MECR: variants seen among roughly 807,000 people sequenced by gnomAD.
The protein encoded by MECR is mitochondrial trans-2-enoyl-CoA reductase.
Under a neutral mutation model 49.1 loss-of-function variants are expected in MECR, and 37 were observed. That is an observed-to-expected ratio of 0.75 (90% confidence interval 0.58 to 0.99). The LOEUF (loss-of-function observed/expected upper bound fraction) is 0.99. Ranked by LOEUF, MECR falls within the 50% of genes least tolerant of loss-of-function variation. The pLI is 0.00. For missense variants in MECR, 470 were observed against 479.6 expected (o/e 0.98, Z 0.19); for synonymous variants, 198 against 191.1 (o/e 1.04, Z -0.30).
At chr1:29,213,893 CA>C (rs1443396788) in intron 3 of MECR, among the ~76,000 whole-genome samples, 1 of 152,108 alleles carries the variant, frequency 6.6e-6, no homozygotes, top group Non-Finnish European at 1.5e-5. Flanking sequence ...GTGCCTGGCA[CA>C]AAGAGAGTGG....
downstream of MECR, among the ~76,000 whole-genome samples, chr1:29,191,567 A>T (rs1673133758): frequency 6.6e-6 from 1 of 151,954 alleles, no homozygotes; most frequent in Admixed American, 6.6e-5. Flanking sequence ...GGCTTTTTTC[A>T]CTTGCCTGCA....
downstream of MECR, among the ~76,000 whole-genome samples, chr1:29,190,511 G>A (rs531384811): frequency 6.6e-6 from 1 of 150,604 alleles, no homozygotes; most frequent in Non-Finnish European, 1.5e-5. Context: ...AGAGGTTCCT[G>A]GGCAGGGCGC....
chr1:29,214,154 T>C (rs944260935), intron 3 of MECR, among the ~76,000 whole-genome samples: 2 of 150,878 alleles, frequency 1.3e-5, no homozygotes, highest in African/African-American at 2.4e-5. Flanking sequence ...CTCCGCCTCC[T>C]GGGATCAAGT....
chr1:29,171,409 T>G, the MECR span: 1 of 147,432 alleles, frequency 6.8e-6, no homozygotes, highest in Non-Finnish European at 1.5e-5. Flanking sequence ...CCCACATGTA[T>G]CTAGTATGGG....
intron 3 of MECR, among the ~76,000 whole-genome samples, chr1:29,213,593 G>C (rs773505595): frequency 6.9e-4 from 105 of 152,238 alleles, no homozygotes; most frequent in Non-Finnish European, 1.4e-3. Context: ...GGCCCTTCTG[G>C]GGGATGGATA....
chr1:29,212,239 C>T (rs1161773398), intron 3 of MECR, among the ~76,000 whole-genome samples: 1 of 152,070 alleles, frequency 6.6e-6, no homozygotes, highest in South Asian at 2.1e-4. Flanking sequence ...GCCAACAAGA[C>T]GAAACCCCAT....
the MECR span, chr1:29,168,683 T>C: frequency 4.6e-5 from 7 of 152,200 alleles, 1 homozygote; most frequent in East Asian, 1.3e-3. Flanking sequence ...GCAATCCCCA[T>C]TCTGGAGGTC....
intron 1 of MECR, among the ~76,000 whole-genome samples, chr1:29,221,606 G>A (rs1680784493): frequency 2.0e-5 from 3 of 152,158 alleles, no homozygotes; most frequent in Admixed American, 2.0e-4. Flanking sequence ...GTGGCGGGAG[G>A]GAAGAGAAGT....
At chr1:29,174,916 C>T in the MECR span, among the ~76,000 whole-genome samples, 3 of 151,018 alleles carry the variant, frequency 2.0e-5, no homozygotes, top group South Asian at 6.3e-4. Flanking sequence ...TTGTGATCTG[C>T]CAGCCTTGGC....
At chr1:29,225,130 T>A (rs1392861143) in intron 1 of MECR, among the ~76,000 whole-genome samples, 1 of 152,202 alleles carries the variant, frequency 6.6e-6, no homozygotes, top group East Asian at 1.9e-4. Context: ...GAAGGTAATG[T>A]ATGAGTTATA....
chr1:29,206,712 C>T (rs1459354717), intron 4 of MECR, 50 bp downstream of exon 4: 2 of 1,600,734 alleles, frequency 1.2e-6, no homozygotes, highest in East Asian at 2.2e-5. Context: ...ATGTGAGTGG[C>T]ACCCTAGTTG....
intron 3 of MECR, among the ~76,000 whole-genome samples, chr1:29,207,520 G>C (rs1676914373): frequency 6.6e-6 from 1 of 151,426 alleles, no homozygotes. Context: ...TGGGAGGACT[G>C]CTTGAGGCCA....
At chr1:29,208,643 G>T (rs757859154) in intron 3 of MECR, among the ~76,000 whole-genome samples, 2 of 152,184 alleles carry the variant, frequency 1.3e-5, no homozygotes, top group African/African-American at 4.8e-5. Context: ...AAATGAGGAA[G>T]TGACTTGCCC....
At chr1:29,184,291 C>T in the MECR span, among the ~76,000 whole-genome samples, 1 of 151,024 alleles carries the variant, frequency 6.6e-6, no homozygotes, top group Admixed American at 6.6e-5. Context: ...TCTCCTGCCT[C>T]AGCCTCCCAA....
the MECR span, among the ~76,000 whole-genome samples, chr1:29,175,380 AACAG>A: frequency 2.7e-5 from 4 of 146,408 alleles, no homozygotes; most frequent in African/African-American, 7.7e-5. Flanking sequence ...CAGCCTGGGC[AACAG>A]ACAGAGACTC....
rs189431291 is a variant in MECR, at chr1:29,215,882, A to C, written c.406+123T>G. On this transcript the variant is annotated intron_variant, in intron 3 of 9. Coordinates refer to ENST00000263702, the MANE Select transcript of MECR (RefSeq NM_016011.5). ...GCAAAACTCCGTCTCAAAATAAATAAATAAATAAAAAAAATAAACCCTGCA... is the reference window on the plus strand; with the variant it reads ...GCAAAACTCCGTCTCAAAATAAATACATAAATAAAAAAAATAAACCCTGCA... 140 of 1,201,420 alleles carry C rather than the reference A, an allele frequency of 1.2e-4. 2 individuals are homozygous for C. The Middle Eastern group carries it at 5.1e-3, about 44-fold the overall frequency. The allele number at this position is 1,201,420 out of a possible 1,614,324, so 74.4% of individuals were successfully genotyped here.
intron 4 of MECR, among the ~76,000 whole-genome samples, chr1:29,205,236 G>A (rs1427510484): frequency 6.6e-6 from 1 of 152,118 alleles, no homozygotes; most frequent in Admixed American, 6.5e-5. Context: ...CCAGGCTGGA[G>A]TGCGGTGGTG....
chr1:29,174,256 A>G, the MECR span, among the ~76,000 whole-genome samples: 1 of 152,202 alleles, frequency 6.6e-6, no homozygotes, highest in East Asian at 1.9e-4. Context: ...GTGGAAACGT[A>G]AATATTAATT....
At chr1:29,209,039 G>C (rs989821094) in intron 3 of MECR, among the ~76,000 whole-genome samples, 3 of 152,186 alleles carry the variant, frequency 2.0e-5, no homozygotes. Context: ...GCAGGGTGGA[G>C]AGTGATGGGA....
Sources: gnomAD v4.1 joint callset for allele counts (sites outside exome capture counted in the v4.1 genomes callset) on GRCh38, gnomAD v4.1.1 for gene constraint, MANE v1.5 for transcripts, NCBI Gene and HGNC (gene_info 2026-07-23, HGNC 2026-07-21) for gene names.